TLL2: variants seen among roughly 807,000 people sequenced by gnomAD.
TLL2 encodes tolloid-like protein 2.
TLL2 carries 106 observed loss-of-function variants against 123.0 expected under a neutral mutation model. The ratio of observed to expected loss-of-function variants is 0.86; its 90% CI spans 0.74 to 1.01. TLL2 has a LOEUF of 1.01. TLL2 is among the 50% of genes least tolerant of loss of function. TLL2 has a pLI of 0.00. For synonymous variants in TLL2, 494 were observed against 516.8 expected (o/e 0.96, Z 0.60); for missense variants, 1,332 against 1,336.7 (o/e 1.00, Z 0.06).
chr10:96,410,755 T>A (rs759446627), intron 8 of TLL2: 2 of 522,986 alleles, frequency 3.8e-6, no homozygotes, highest in Non-Finnish European at 7.2e-6. Context: ...CTGTGTGGCT[T>A]GGGCAAGTTT....
In TLL2 at chr10:96,376,833, G is replaced by A. The variant is rs779939859; in HGVS notation, c.2321-14C>T. ...GTGCACAGCCAGCTGGGGGTGGCAGGGGGACACATACAAAGAGAGAAGTCA... is the reference window on the plus strand; with the variant it reads ...GTGCACAGCCAGCTGGGGGTGGCAGAGGGACACATACAAAGAGAGAAGTCA... On this transcript the variant is annotated splice_polypyrimidine_tract_variant and intron_variant, in intron 17 of 20. Coordinates refer to ENST00000357947, the MANE Select transcript of TLL2 (RefSeq NM_012465.4). The A allele has an allele frequency of 6.6e-7, 1 of 1,514,418 alleles. No individual in the cohort carries two copies. The highest frequency in any genetic ancestry group is 8.8e-7 in the Non-Finnish European group (1 of 1,135,210). 93.8% of individuals were successfully genotyped at this position (1,514,418 alleles called of 1,614,324 possible).
In TLL2 at chr10:96,513,701, G is replaced by A; in HGVS notation, c.-16C>T. The A allele has an allele frequency of 3.3e-6, 5 of 1,500,254 alleles. No individual in the cohort carries two copies. The highest frequency in any genetic ancestry group is 1.3e-5 in the South Asian group (1 of 79,130). The allele number at this position is 1,500,254 out of a possible 1,614,324, so 92.9% of individuals were successfully genotyped here. On this transcript the variant is annotated 5_prime_UTR_variant, in exon 1 of 21. Coordinates refer to ENST00000357947, the MANE Select transcript of TLL2 (RefSeq NM_012465.4). ...CCCGGGGCATGGTGGCGCGGGGCCGGCTGGGGCAGAGGGAGTTGCGTGCAC... is the reference window on the plus strand; with the variant it reads ...CCCGGGGCATGGTGGCGCGGGGCCGACTGGGGCAGAGGGAGTTGCGTGCAC...
rs143449364 is a variant in TLL2 at position 96,464,729 on chromosome 10, T to G, written c.286+15620A>C. Reference sequence around the variant, plus strand: ...TTTCAAACAAGCTTGCAATTCCTTTTAAGAGAAGACATATCCATAATACAT... The same window carrying G: ...TTTCAAACAAGCTTGCAATTCCTTTGAAGAGAAGACATATCCATAATACAT... On this transcript the variant is annotated intron_variant, in intron 2 of 20. Transcript: ENST00000357947. Among the ~76,000 whole-genome samples, 27 of 152,324 alleles carry G rather than the reference T, an allele frequency of 1.8e-4. No individual in the cohort carries two copies. In the East Asian group the frequency reaches 4.6e-3, roughly 26 times the overall value.
In TLL2 at chr10:96,484,622, CA is replaced by C. The variant is rs1847340814; in HGVS notation, c.176-4164del. On this transcript the variant is annotated intron_variant, in intron 1 of 20. Transcript: ENST00000357947. ...ACACACACACACACACACACACACA[CA>C]CACACACCATGGCTTTCTTTTTTTT... 3.3e-5 allele frequency among the ~76,000 whole-genome samples: 5 copies of C among 149,972 alleles called. No individual in the cohort carries two copies. In the South Asian group the frequency reaches 8.3e-4, roughly 25 times the overall value.
intron 10 of TLL2, among the ~76,000 whole-genome samples, chr10:96,402,124 C>A (rs979000508): frequency 5.9e-5 from 9 of 152,194 alleles, no homozygotes; most frequent in Non-Finnish European, 1.0e-4. Flanking sequence ...TCTCACGAAA[C>A]TCCTCCCACA....
At chr10:96,377,845 A>G (rs1245810879) in intron 17 of TLL2, among the ~76,000 whole-genome samples, 1 of 152,230 alleles carries the variant, frequency 6.6e-6, no homozygotes, top group East Asian at 1.9e-4. Flanking sequence ...ACATTTGCTC[A>G]GCTCCTGAGA....
In TLL2 at chr10:96,366,567, C is replaced by CT. The variant is rs1210503838; in HGVS notation, c.*1520dup. 6.6e-6 allele frequency: 1 copy of CT among 152,638 alleles called. No homozygotes were observed. The highest frequency in any genetic ancestry group is 1.5e-5 in the Non-Finnish European group (1 of 68,050). 9.5% of individuals were successfully genotyped at this position (152,638 alleles called of 1,614,324 possible). ...TTCTAGTTTTTGCTCCCAGCAATCACTTTAATGAGACACAGTCCTCTGGTG... is the reference window on the plus strand; with the variant it reads ...TTCTAGTTTTTGCTCCCAGCAATCACTTTTAATGAGACACAGTCCTCTGGTG... On this transcript the variant is annotated 3_prime_UTR_variant, in exon 21 of 21. Transcript: ENST00000357947.
chr10:96,402,709 G>C (rs1846408011), intron 10 of TLL2, among the ~76,000 whole-genome samples: 1 of 152,206 alleles, frequency 6.6e-6, no homozygotes. Context: ...TACCTGGACA[G>C]CTGACTACCT....
Position 96,373,780 on chromosome 10 carries a change from G to C in TLL2, c.2478C>G (p.His826Gln), listed in dbSNP as rs375552549. Reference sequence around the variant, plus strand: ...CCAGGTGGTCATAGGCACATTCCTGGTGCTGCTCGATCTCAAACTCATTAA... The same window carrying C: ...CCAGGTGGTCATAGGCACATTCCTGCTGCTGCTCGATCTCAAACTCATTAA... ...LTFNEFEIEQHQECAYDHLEM... is the reference protein window; with the variant it reads ...LTFNEFEIEQQQECAYDHLEM... Residue 826 changes from histidine to glutamine, a missense_variant, in exon 19 of 21, where the codon CAC (histidine) becomes CAG (glutamine). By Grantham distance (24) the His-to-Gln change is conservative (BLOSUM62 0). Transcript: ENST00000357947. The C allele has an allele frequency of 3.1e-4, 494 of 1,614,008 alleles. 1 individual carries two copies. Among genetic ancestry groups the C allele is most frequent in the Non-Finnish European group, 4.0e-4 (469 of 1,180,052 alleles).
chr10:96,376,588 T>G (rs1846139609), intron 18 of TLL2, 104 bp downstream of exon 18: 3 of 1,272,940 alleles, frequency 2.4e-6, no homozygotes, highest in Non-Finnish European at 1.1e-6. Context: ...AAATGTTGAG[T>G]AACTTCCAAG....
intron 2 of TLL2, among the ~76,000 whole-genome samples, chr10:96,449,094 C>G (rs1846928561): frequency 6.6e-6 from 1 of 152,198 alleles, no homozygotes; most frequent in Non-Finnish European, 1.5e-5. Flanking sequence ...AGAACAGTGC[C>G]AAGTGCTTTT....
chr10:96,427,850 A>G (rs1389331992), intron 5 of TLL2, among the ~76,000 whole-genome samples: 2 of 152,124 alleles, frequency 1.3e-5, no homozygotes, highest in Non-Finnish European at 1.5e-5. Flanking sequence ...GCTGGAGTGC[A>G]ATGGCGGGAT....
At chr10:96,451,331 CAT>C (rs1320209491) in intron 2 of TLL2, among the ~76,000 whole-genome samples, 2 of 152,178 alleles carry the variant, frequency 1.3e-5, no homozygotes, top group East Asian at 3.8e-4. Context: ...TTAGATGCAT[CAT>C]ATGAGACATT....
intron 2 of TLL2, among the ~76,000 whole-genome samples, chr10:96,472,119 C>G (rs1847190206): frequency 6.6e-6 from 1 of 152,186 alleles, no homozygotes; most frequent in African/African-American, 2.4e-5. Flanking sequence ...CCCTGTGACT[C>G]TTCAGATTTC....
intron 13 of TLL2, among the ~76,000 whole-genome samples, chr10:96,388,355 T>C (rs1846257000): frequency 6.6e-6 from 1 of 152,146 alleles, no homozygotes; most frequent in African/African-American, 2.4e-5. Context: ...GAGCTGAGAT[T>C]GCGCCACTGC....
chr10:96,374,961 C>CGGG (rs558884195), intron 18 of TLL2, among the ~76,000 whole-genome samples: 2 of 64,232 alleles, frequency 3.1e-5, no homozygotes, highest in African/African-American at 1.3e-4. Flanking sequence ...ACATTAGTTG[C>CGGG]GGGGGGGGGG....
rs547313555 is a variant in TLL2 at position 96,397,150 on chromosome 10, G to A, written c.1384+36C>T. ...TGCCTGGGAAGGACAGAGCTTATGA[G>A]GGGCCACCGAGCAGCTGCTTTCACC... On this transcript the variant is annotated intron_variant, in intron 11 of 20. Coordinates refer to ENST00000357947, the MANE Select transcript of TLL2 (RefSeq NM_012465.4). 29 of 1,569,146 alleles carry A rather than the reference G, an allele frequency of 1.8e-5. No individual in the cohort carries two copies. In the South Asian group the frequency reaches 2.4e-4, roughly 13 times the overall value.
At chr10:96,408,238 AT>A (rs1280277929) in intron 9 of TLL2, among the ~76,000 whole-genome samples, 1 of 152,246 alleles carries the variant, frequency 6.6e-6, no homozygotes, top group African/African-American at 2.4e-5. Flanking sequence ...CACATTCATG[AT>A]CTGAATGAAT....
chr10:96,364,795 G>T lies in TLL2; in HGVS notation c.*3293C>A, dbSNP rs1468424366. The stretch of plus-strand genomic sequence containing the variant: ...TTAAAAATAAAATTTTAGGCATTTG[G>T]TATTACTCTTCAGAAGTTCGGTCTA... On this transcript the variant is annotated 3_prime_UTR_variant, in exon 21 of 21. Coordinates refer to ENST00000357947, the MANE Select transcript of TLL2 (RefSeq NM_012465.4). 7.2e-5 allele frequency: 11 copies of T among 152,428 alleles called. No homozygotes were observed. The highest frequency in any genetic ancestry group is 1.5e-5 in the Non-Finnish European group (1 of 68,000). 9.4% of individuals were successfully genotyped at this position (152,428 alleles called of 1,614,324 possible).
Sources: allele counts gnomAD v4.1 joint callset (sites outside exome capture counted in the v4.1 genomes callset), GRCh38; gene constraint gnomAD v4.1.1; transcripts MANE v1.5; gene names NCBI Gene and HGNC (gene_info 2026-07-23, HGNC 2026-07-21).